PLCL1: variants seen among roughly 807,000 people sequenced by gnomAD.
PLCL1 encodes the protein inactive phospholipase C-like protein 1.
A neutral mutation model predicts 84.4 loss-of-function variants in PLCL1; 41 were observed. That is an observed-to-expected ratio of 0.49 (90% CI 0.38 to 0.63). The LOEUF (loss-of-function observed/expected upper bound fraction) is 0.63, where lower values mean the gene tolerates loss of function less well. PLCL1 is among the 30% of genes least tolerant of loss of function. The probability of loss-of-function intolerance (pLI) is 0.00; values close to 1 mark genes in which losing one functional copy is unlikely to be tolerated. For missense variants in PLCL1, 1,206 were observed against 1,367.8 expected (o/e 0.88, Z 1.87); for synonymous variants, 490 against 488.3 (o/e 1.00, Z -0.05).
At chr2:197,828,473 AT>A (rs1186298239) in intron 1 of PLCL1, among the ~76,000 whole-genome samples, 3 of 152,110 alleles carry the variant, frequency 2.0e-5, no homozygotes, top group Admixed American at 6.6e-5. Context: ...CAGAATTGTT[AT>A]TTAACATAGG....
intron 1 of PLCL1, among the ~76,000 whole-genome samples, chr2:197,875,975 C>T (rs937016901): frequency 2.0e-5 from 3 of 152,136 alleles, no homozygotes; most frequent in East Asian, 1.9e-4. Context: ...TGCTGTCTGA[C>T]TATATAACAC....
chr2:197,863,776 T>C (rs700692), intron 1 of PLCL1, among the ~76,000 whole-genome samples: 110,594 of 152,020 alleles, frequency 0.73, 41,276 homozygotes, highest in African/African-American at 0.9. Context: ...CTTGAAGTCA[T>C]CCCGTGTATA....
chr2:198,100,362 G>A (rs1294187790), intron 3 of PLCL1, among the ~76,000 whole-genome samples: 1 of 152,042 alleles, frequency 6.6e-6, no homozygotes, highest in Non-Finnish European at 1.5e-5. Flanking sequence ...TGGGAATATG[G>A]GGAGTGAGAA....
chr2:198,136,239 C>T (rs3771368), intron 5 of PLCL1, among the ~76,000 whole-genome samples: 39,330 of 151,962 alleles, frequency 0.26, 6,382 homozygotes, highest in East Asian at 0.54. Flanking sequence ...TTAGAGTTTT[C>T]CATGTATGGC....
chr2:198,130,122 G>T (rs1335969191), intron 5 of PLCL1, among the ~76,000 whole-genome samples: 1 of 151,990 alleles, frequency 6.6e-6, no homozygotes, highest in Non-Finnish European at 1.5e-5. Flanking sequence ...AGCCTCCCAA[G>T]TAGCTGGGAC....
intron 1 of PLCL1, among the ~76,000 whole-genome samples, chr2:197,892,353 T>G (rs1688048266): frequency 6.6e-6 from 1 of 152,184 alleles, no homozygotes; most frequent in Non-Finnish European, 1.5e-5. Flanking sequence ...GACTGTCTGA[T>G]TCCTAAACTG....
intron 1 of PLCL1, among the ~76,000 whole-genome samples, chr2:197,812,921 CA>C (rs1188435324): frequency 6.6e-6 from 1 of 152,120 alleles, no homozygotes. Context: ...CCCTAAGGCC[CA>C]AACGACTTCA....
At chr2:197,908,590 T>TAA (rs1688427658) in intron 1 of PLCL1, among the ~76,000 whole-genome samples, 1 of 152,228 alleles carries the variant, frequency 6.6e-6, no homozygotes, top group Non-Finnish European at 1.5e-5. Flanking sequence ...CCTCATTTAA[T>TAA]ATGCTTGCAA....
intron 1 of PLCL1, among the ~76,000 whole-genome samples, chr2:197,853,404 G>A (rs149395272): frequency 8.2e-4 from 125 of 152,246 alleles, no homozygotes; most frequent in African/African-American, 2.8e-3. Flanking sequence ...TTGCTGGATC[G>A]ATCATATGGT....
At chr2:198,014,386 A>G (rs1690942342) in intron 1 of PLCL1, among the ~76,000 whole-genome samples, 1 of 152,094 alleles carries the variant, frequency 6.6e-6, no homozygotes, top group African/African-American at 2.4e-5. Flanking sequence ...AGCTTGGTCA[A>G]GTTATTCCTC....
chr2:197,962,816 A>G (rs1452189192), intron 1 of PLCL1, among the ~76,000 whole-genome samples: 5 of 152,144 alleles, frequency 3.3e-5, no homozygotes, highest in African/African-American at 9.6e-5. Flanking sequence ...GCTTCCACAA[A>G]TAAGTGAGAA....
chr2:198,032,730 T>G (rs1419155292), intron 1 of PLCL1, among the ~76,000 whole-genome samples: 1 of 152,148 alleles, frequency 6.6e-6, no homozygotes, highest in Non-Finnish European at 1.5e-5. Context: ...GAAATTTTAT[T>G]TATTCAGGTT....
intron 1 of PLCL1, among the ~76,000 whole-genome samples, chr2:197,971,570 T>G (rs1158704593): frequency 6.6e-6 from 1 of 152,158 alleles, no homozygotes; most frequent in Non-Finnish European, 1.5e-5. Context: ...AGATAGATAC[T>G]CTCATCAAAA....
chr2:197,973,259 G>A (rs1015715322), intron 1 of PLCL1, among the ~76,000 whole-genome samples: 2 of 152,150 alleles, frequency 1.3e-5, no homozygotes, highest in Non-Finnish European at 2.9e-5. Context: ...GCTTACCACC[G>A]TCTTTCCTTA....
chr2:198,024,391 G>A (rs1691212833), intron 1 of PLCL1, among the ~76,000 whole-genome samples: 1 of 149,902 alleles, frequency 6.7e-6, no homozygotes, highest in African/African-American at 2.5e-5. Context: ...AGAACCTAAA[G>A]TATAATAATT....
intron 1 of PLCL1, among the ~76,000 whole-genome samples, chr2:197,970,092 A>G (rs1468061070): frequency 2.6e-5 from 4 of 152,200 alleles, no homozygotes; most frequent in Admixed American, 2.6e-4. Context: ...TGTTGCTGTA[A>G]CGGAATACTC....
At chr2:197,941,976 C>G (rs1387869097) in intron 1 of PLCL1, among the ~76,000 whole-genome samples, 1 of 152,144 alleles carries the variant, frequency 6.6e-6, no homozygotes, top group Non-Finnish European at 1.5e-5. Context: ...TGGGGAGTCT[C>G]TCTGTTTCAG....
rs766108352 is a variant in PLCL1, at chr2:197,805,118, G to C, written c.19G>C (p.Gly7Arg). Residue 7 changes from glycine (G) to arginine (R), a missense_variant, in exon 1 of 6, where the codon GGC becomes CGC. Physicochemically the swap from Gly to Arg is moderately radical, Grantham distance 125. Coordinates refer to ENST00000428675, the MANE Select transcript of PLCL1 (RefSeq NM_006226.4). The surrounding 1 kb of genome is among the most constrained non-coding windows in gnomAD (Gnocchi z 4.0). MAEGAA[G>R]REDPAPPDAA... ...CCAGGCCATGGCCGAGGGCGCGGCC[G>C]GCAGGGAGGATCCGGCGCCGCCCGA... 1 of 1,324,732 alleles carries C rather than the reference G, an allele frequency of 7.5e-7. No homozygotes were observed. Among genetic ancestry groups the C allele is most frequent in the Admixed American group, 4.1e-5 (1 of 24,538 alleles). The allele number at this position is 1,324,732 out of a possible 1,614,324, so 82.1% of individuals were successfully genotyped here.
At chr2:198,137,828 C>T (rs115934469) in intron 5 of PLCL1, among the ~76,000 whole-genome samples, 1 of 152,124 alleles carries the variant, frequency 6.6e-6, no homozygotes, top group Non-Finnish European at 1.5e-5. Flanking sequence ...TACCTGTATC[C>T]CACACTAGAA....
Sources: gnomAD v4.1 joint callset for allele counts (sites outside exome capture counted in the v4.1 genomes callset) on GRCh38, gnomAD v4.1.1 for gene constraint, Gnocchi (gnomAD v3.1) non-coding constraint, MANE v1.5 for transcripts, NCBI Gene and HGNC (gene_info 2026-07-23, HGNC 2026-07-21) for gene names.